Variants in SLC4A10 observed in about 807,000 individuals in gnomAD.
SLC4A10 encodes sodium-driven chloride bicarbonate exchanger.
Under a neutral mutation model 137.7 loss-of-function variants are expected in SLC4A10, and 42 were observed. The observed-to-expected ratio is 0.30, with a 90% CI of 0.24 to 0.39. SLC4A10 has a LOEUF of 0.39. Among genes scored for constraint, SLC4A10 ranks in the 10% least tolerant of loss-of-function variants. SLC4A10 has a pLI of 1.00. For missense variants in SLC4A10, 925 were observed against 1,355.0 expected (o/e 0.68, Z 4.98); for synonymous variants, 474 against 464.1 (o/e 1.02, Z -0.27).
chr2:161,863,437 A>G (rs1186288054), intron 6 of SLC4A10, among the ~76,000 whole-genome samples: 1 of 152,218 alleles, frequency 6.6e-6, no homozygotes, highest in Non-Finnish European at 1.5e-5. Context: ...ATGGTCTTTT[A>G]GTTTAAAGGA....
intron 1 of SLC4A10, among the ~76,000 whole-genome samples, chr2:161,652,082 C>T (rs1480938197): frequency 6.6e-6 from 1 of 152,206 alleles, no homozygotes. Context: ...ACTATTCTAT[C>T]CCTTTCATGC....
chr2:161,873,421 C>G (rs528368148), intron 7 of SLC4A10, among the ~76,000 whole-genome samples: 8 of 147,526 alleles, frequency 5.4e-5, no homozygotes, highest in Non-Finnish European at 1.0e-4. Flanking sequence ...GTTCCAGCCA[C>G]TTGGGAGGCT....
chr2:161,876,131 G>A (rs1481705283), intron 8 of SLC4A10, among the ~76,000 whole-genome samples: 1 of 152,086 alleles, frequency 6.6e-6, no homozygotes, highest in Non-Finnish European at 1.5e-5. Context: ...GCATAAAGGT[G>A]AGGTCTGGGC....
chr2:161,647,610 G>A (rs540752528), intron 1 of SLC4A10, among the ~76,000 whole-genome samples: 3 of 152,180 alleles, frequency 2.0e-5, no homozygotes, highest in Admixed American at 6.5e-5. Flanking sequence ...GAAGCACAAC[G>A]TAGTAATGAA....
At chr2:161,857,330 C>T (rs564353291) in intron 5 of SLC4A10, among the ~76,000 whole-genome samples, 1 of 152,148 alleles carries the variant, frequency 6.6e-6, no homozygotes, top group Non-Finnish European at 1.5e-5. Context: ...TCTTTCTGCT[C>T]TTCTAATTAG....
chr2:161,654,863 C>T (rs1441481248), intron 1 of SLC4A10, among the ~76,000 whole-genome samples: 1 of 151,874 alleles, frequency 6.6e-6, no homozygotes, highest in African/African-American at 2.4e-5. Flanking sequence ...ATTTGGGGTT[C>T]TTTGTGGTCT....
At chr2:161,786,449 A>G (rs1202448504) in intron 2 of SLC4A10, among the ~76,000 whole-genome samples, 1 of 151,840 alleles carries the variant, frequency 6.6e-6, no homozygotes, top group Non-Finnish European at 1.5e-5. Flanking sequence ...TGTTCCAATC[A>G]TAGTACTGTT....
At chr2:161,818,035 A>T (rs1229995631) in intron 3 of SLC4A10, among the ~76,000 whole-genome samples, 1 of 152,132 alleles carries the variant, frequency 6.6e-6, no homozygotes, top group Non-Finnish European at 1.5e-5. Context: ...TGGTAGCTTG[A>T]TGGGGATGGT....
intron 2 of SLC4A10, among the ~76,000 whole-genome samples, chr2:161,784,835 A>C (rs934041715): frequency 6.6e-6 from 1 of 151,500 alleles, no homozygotes; most frequent in African/African-American, 2.4e-5. Context: ...TATACATTTG[A>C]AGGGACTAGA....
At chr2:161,886,574 C>T (rs2125995706) in intron 10 of SLC4A10, among the ~76,000 whole-genome samples, 1 of 152,240 alleles carries the variant, frequency 6.6e-6, no homozygotes, top group Non-Finnish European at 1.5e-5. Flanking sequence ...ATTACATGTT[C>T]AGTGTGACAT....
chr2:161,862,562 TAATA>T (rs966255705), intron 5 of SLC4A10, among the ~76,000 whole-genome samples: 46 of 152,310 alleles, frequency 3.0e-4, no homozygotes, highest in East Asian at 9.6e-4. Context: ...TCAGTGTGGA[TAATA>T]AATAAATAAA....
intron 15 of SLC4A10, among the ~76,000 whole-genome samples, chr2:161,938,827 T>C (rs1692105341): frequency 6.6e-6 from 1 of 151,766 alleles, no homozygotes; most frequent in Non-Finnish European, 1.5e-5. Context: ...TTTTTTCAAG[T>C]ACATTTTATT....
At chr2:161,640,593 T>TTCCTTCCTTCC (rs2035134138) in intron 1 of SLC4A10, among the ~76,000 whole-genome samples, 1 of 119,262 alleles carries the variant, frequency 8.4e-6, no homozygotes, top group African/African-American at 3.3e-5. Flanking sequence ...TTTCTCTTTC[T>TTCCTTCCTTCC]TTCCTTCCTT....
intron 1 of SLC4A10, among the ~76,000 whole-genome samples, chr2:161,719,943 G>GGT (rs1417299640): frequency 3.3e-5 from 5 of 152,276 alleles, no homozygotes; most frequent in African/African-American, 9.6e-5. Context: ...CATTGCGTTT[G>GGT]GTGTTTTAGA....
At chr2:161,781,214 C>T (rs2052973883) in intron 2 of SLC4A10, among the ~76,000 whole-genome samples, 2 of 152,114 alleles carry the variant, frequency 1.3e-5, no homozygotes, top group Non-Finnish European at 2.9e-5. Context: ...TTCTAATCAA[C>T]TGCTGTGTTA....
At chr2:161,830,161 CAA>C (rs201494187) in intron 3 of SLC4A10, among the ~76,000 whole-genome samples, 3,193 of 103,664 alleles carry the variant, frequency 0.031, 79 homozygotes, top group African/African-American at 0.087. Flanking sequence ...GGAACTAAAG[CAA>C]AAAAAAAAAA....
intron 1 of SLC4A10, among the ~76,000 whole-genome samples, chr2:161,710,283 T>C (rs1036270877): frequency 6.6e-6 from 1 of 151,752 alleles, no homozygotes; most frequent in Non-Finnish European, 1.5e-5. Context: ...AGTATTTGCA[T>C]GTATTAGTCA....
chr2:161,927,473 T>C (rs561157412), intron 15 of SLC4A10, among the ~76,000 whole-genome samples: 2 of 152,186 alleles, frequency 1.3e-5, no homozygotes, highest in African/African-American at 2.4e-5. Context: ...AAGGACTTCA[T>C]GTCTAAAACA....
At chr2:161,781,026 C>A (rs1012469115) in intron 2 of SLC4A10, among the ~76,000 whole-genome samples, 1 of 151,988 alleles carries the variant, frequency 6.6e-6, no homozygotes, top group Admixed American at 6.6e-5. Flanking sequence ...TACCACCAGC[C>A]CCACTCTCCA....
Sources: gnomAD v4.1 joint callset for allele counts (sites outside exome capture counted in the v4.1 genomes callset) on GRCh38, gnomAD v4.1.1 for gene constraint, MANE v1.5 for transcripts, NCBI Gene and HGNC (gene_info 2026-07-23, HGNC 2026-07-21) for gene names.